Variants in TMPRSS15 observed in about 807,000 individuals in gnomAD.
TMPRSS15 encodes transmembrane serine protease 15, also known as enteropeptidase.
In TMPRSS15, 128 loss-of-function variants were observed where a neutral mutation model predicts 125.3. That is an observed-to-expected ratio of 1.02 (90% CI 0.89 to 1.18). The LOEUF (loss-of-function observed/expected upper bound fraction) is 1.18, where lower values mean the gene tolerates loss of function less well. TMPRSS15 is among the 50% of genes most tolerant of loss of function. The pLI is 0.00. For synonymous variants in TMPRSS15, 446 were observed against 423.2 expected, an observed-to-expected ratio of 1.05 and a Z score of -0.66; for missense variants, 1,283 against 1,212.7, an observed-to-expected ratio of 1.06 and a Z score of -0.86.
At chr21:18,458,449 G>T (rs1188300384) in intron 1 of TMPRSS15, among the ~76,000 whole-genome samples, 1 of 152,152 alleles carries the variant, frequency 6.6e-6, no homozygotes, top group Admixed American at 6.6e-5. Context: ...AATCTCAAGT[G>T]GTTCTCAAAT....
intron 13 of TMPRSS15, among the ~76,000 whole-genome samples, chr21:18,338,225 G>T (rs2075411889): frequency 6.6e-6 from 1 of 152,004 alleles, no homozygotes; most frequent in Non-Finnish European, 1.5e-5. Flanking sequence ...TTAGGTAATG[G>T]TGAGATGGTG....
chr21:18,475,746 C>T lies in TMPRSS15; in HGVS notation c.10+10053G>A, dbSNP rs192645817. 4.8e-4 allele frequency among the ~76,000 whole-genome samples: 73 copies of T among 152,276 alleles called. No individual in the cohort carries two copies. The East Asian group carries it at 8.9e-3, about 19-fold the overall frequency. On this transcript the variant is annotated intron_variant, in intron 1 of 7. Coordinates refer to the TMPRSS15 transcript ENST00000422787. ...GGCTGAAAACTGCCCTTTAAGCTCG[C>T]TTCATTAGTCACGACTAGCATGTGC...
chr21:18,282,097 CAAAAAAAAAAAAAA>C (rs954911028), intron 21 of TMPRSS15, among the ~76,000 whole-genome samples: 2 of 24,960 alleles, frequency 8.0e-5, no homozygotes, highest in South Asian at 2.0e-3. Flanking sequence ...GACTCCGCCT[CAAAAAAAAAAAAAA>C]AAAAAAAAAA....
chr21:18,402,817 G>A (rs764307489), intron 1 of TMPRSS15, among the ~76,000 whole-genome samples: 12 of 152,198 alleles, frequency 7.9e-5, no homozygotes, highest in African/African-American at 2.4e-4. Context: ...TCTGTAAAAC[G>A]AGCATACCAA....
chr21:18,472,455 T>TTTTATA (rs936975787), intron 1 of TMPRSS15, among the ~76,000 whole-genome samples: 1 of 143,154 alleles, frequency 7.0e-6, no homozygotes, highest in African/African-American at 2.6e-5. Flanking sequence ...GCTAAAAGAA[T>TTTTATA]TATATATATA....
intron 1 of TMPRSS15, among the ~76,000 whole-genome samples, chr21:18,452,145 T>C (rs913713692): frequency 5.9e-5 from 9 of 152,166 alleles, no homozygotes; most frequent in Admixed American, 3.9e-4. Context: ...AGCTTATGTT[T>C]ATGTGATGGC....
Position 18,435,922 on chromosome 21 carries a change from G to A in TMPRSS15, c.11-37593C>T, listed in dbSNP as rs2076226796. Among the ~76,000 whole-genome samples, 3 of 151,640 alleles carry A rather than the reference G, an allele frequency of 2.0e-5. No homozygotes were observed. In the South Asian group the frequency reaches 6.3e-4, roughly 32 times the overall value. ...ATATTTTCTAGTTTATTTGCGTAGA[G>A]GTGTTTGTAGTATTCTCTGATGGTA... is the stretch of plus-strand genomic sequence containing the variant. On this transcript the variant is annotated intron_variant, in intron 1 of 7. Coordinates refer to the TMPRSS15 transcript ENST00000422787.
intron 1 of TMPRSS15, among the ~76,000 whole-genome samples, chr21:18,418,661 T>C (rs1030247566): frequency 2.6e-5 from 4 of 152,224 alleles, no homozygotes; most frequent in African/African-American, 7.2e-5. Context: ...CTATTAACTA[T>C]TAAACGTTAT....
chr21:18,332,208 A>T, intron 13 of TMPRSS15, 35 bp from the exon 14 acceptor site: 1 of 1,550,682 alleles, frequency 6.4e-7, no homozygotes, highest in South Asian at 1.1e-5. Flanking sequence ...CATCAGTAAT[A>T]CAATGTTTAT....
chr21:18,312,875 T>C, intron 18 of TMPRSS15, 70 bp downstream of exon 18: 1 of 1,584,198 alleles, frequency 6.3e-7, no homozygotes, highest in Non-Finnish European at 8.7e-7. Context: ...AAAGCTCTTA[T>C]TAAACCTAAT....
chr21:18,351,697 C>T (rs527777427), intron 10 of TMPRSS15, among the ~76,000 whole-genome samples: 51 of 152,196 alleles, frequency 3.4e-4, no homozygotes, highest in Admixed American at 2.1e-3. Context: ...TACCCAGTCT[C>T]AGGTATTTCT....
Position 18,359,814 on chromosome 21 carries a change from A to G in TMPRSS15, c.823T>C (p.Tyr275His), listed in dbSNP as rs2075662482. The stretch of plus-strand genomic sequence containing the variant: ...TAAATATCTAATATATCTGTATAAT[A>G]TGTATTAAAATCATCGAAGCTCAGT... The part of the protein sequence containing the change: ...IKLSFDDFNT[Y>H]YTDILDIYEG... The change falls in exon 8 of 25, where the codon TAT becomes CAT. Residue 275 changes from tyrosine (Y) to histidine (H), a missense_variant. Coordinates refer to ENST00000284885, the MANE Select transcript of TMPRSS15 (RefSeq NM_002772.3). The G allele has an allele frequency of 2.6e-6, 4 of 1,534,892 alleles. No homozygotes were observed. In the African/African-American group the frequency reaches 4.1e-5, roughly 16 times the overall value.
chr21:18,352,770 T>C, intron 10 of TMPRSS15, 133 bp downstream of exon 10: 1 of 883,628 alleles, frequency 1.1e-6, no homozygotes, highest in Non-Finnish European at 1.8e-6. Flanking sequence ...ATTTAATTAA[T>C]TGAATTTTTA....
chr21:18,454,971 T>A (rs1468472761), intron 1 of TMPRSS15, among the ~76,000 whole-genome samples: 1 of 152,192 alleles, frequency 6.6e-6, no homozygotes, highest in Non-Finnish European at 1.5e-5. Context: ...TCTTGAATTG[T>A]GGGTCCCATA....
chr21:18,356,531 C>T (rs1040101386), intron 8 of TMPRSS15, among the ~76,000 whole-genome samples: 1 of 151,536 alleles, frequency 6.6e-6, no homozygotes, highest in Non-Finnish European at 1.5e-5. Context: ...GGGAAAAATG[C>T]TATGGGGGTA....
intron 16 of TMPRSS15, among the ~76,000 whole-genome samples, chr21:18,321,680 T>C (rs973449551): frequency 6.6e-6 from 1 of 152,190 alleles, no homozygotes; most frequent in African/African-American, 2.4e-5. Flanking sequence ...CCATTTATAA[T>C]TTTTTCTAAA....
At chr21:18,316,550 G>A (rs2075169194) in intron 16 of TMPRSS15, among the ~76,000 whole-genome samples, 1 of 152,168 alleles carries the variant, frequency 6.6e-6, no homozygotes, top group Admixed American at 6.5e-5. Flanking sequence ...AGAAGTTGAG[G>A]ATAGAGCTCC....
chr21:18,390,557 C>A (rs1287849172), intron 3 of TMPRSS15, among the ~76,000 whole-genome samples: 1 of 152,070 alleles, frequency 6.6e-6, no homozygotes, highest in Non-Finnish European at 1.5e-5. Context: ...GAGCTCCTAG[C>A]CTAGTAAGGA....
chr21:18,322,805 T>C (rs2075252550), intron 16 of TMPRSS15, among the ~76,000 whole-genome samples: 1 of 152,190 alleles, frequency 6.6e-6, no homozygotes, highest in Non-Finnish European at 1.5e-5. Flanking sequence ...ATCTAGTGTT[T>C]GGTAACACAA....
Sources: allele counts gnomAD v4.1 joint callset (sites outside exome capture counted in the v4.1 genomes callset), GRCh38; gene constraint gnomAD v4.1.1; transcripts MANE v1.5; gene names NCBI Gene and HGNC (gene_info 2026-07-23, HGNC 2026-07-21).